The following SDK1 variants were observed in gnomAD, a reference collection of about 807,000 sequenced individuals.
SDK1 encodes the protein sidekick cell adhesion molecule 1, also known as protein sidekick-1.
In SDK1, 157 loss-of-function variants were observed where a neutral mutation model predicts 245.5. The ratio of observed to expected loss-of-function variants is 0.64; its 90% CI spans 0.56 to 0.73. The LOEUF is 0.73. Ranked by LOEUF, SDK1 falls within the 30% of genes least tolerant of loss-of-function variation. The pLI is 0.00. For synonymous variants in SDK1, 1,647 were observed against 1,278.5 expected, an observed-to-expected ratio of 1.29 and a Z score of -6.15; for missense variants, 3,583 against 3,002.3, an observed-to-expected ratio of 1.19 and a Z score of -4.52.
chr7:4,113,981 C>G (rs75057838), intron 24 of SDK1, 56 bp from the exon 25 acceptor site: 340 of 1,479,018 alleles, frequency 2.3e-4, no homozygotes, highest in Non-Finnish European at 3.0e-4. Context: ...CCTTACAACC[C>G]GTGAGGGTGG....
At chr7:3,427,887 G>A (rs547414548) in intron 1 of SDK1, among the ~76,000 whole-genome samples, 1 of 110,158 alleles carries the variant, frequency 9.1e-6, no homozygotes, top group African/African-American at 5.8e-5. Flanking sequence ...GATGTCGTTA[G>A]TGTCTCTTAG....
intron 2 of SDK1, among the ~76,000 whole-genome samples, chr7:3,630,180 A>G (rs1346785044): frequency 1.3e-5 from 2 of 152,250 alleles, no homozygotes; most frequent in African/African-American, 2.4e-5. Flanking sequence ...GAATCCCCCA[A>G]GGAGGCAGTC....
chr7:3,922,993 G>C (rs1437706207), intron 5 of SDK1, among the ~76,000 whole-genome samples: 1 of 152,158 alleles, frequency 6.6e-6, no homozygotes, highest in Non-Finnish European at 1.5e-5. Context: ...CTTGATTCCA[G>C]CCAGGTTCAC....
intron 1 of SDK1, among the ~76,000 whole-genome samples, chr7:3,433,673 A>G (rs1183718935): frequency 1.3e-5 from 2 of 152,224 alleles, no homozygotes; most frequent in African/African-American, 4.8e-5. Flanking sequence ...AACATCAAAT[A>G]CAAACATGTT....
At chr7:4,240,080 G>A (rs947196946) in intron 42 of SDK1, among the ~76,000 whole-genome samples, 1 of 152,102 alleles carries the variant, frequency 6.6e-6, no homozygotes, top group Non-Finnish European at 1.5e-5. Flanking sequence ...TCGTAAATCA[G>A]ATTTTATTCC....
At chr7:3,902,105 A>G (rs1303736707) in intron 5 of SDK1, among the ~76,000 whole-genome samples, 1 of 152,138 alleles carries the variant, frequency 6.6e-6, no homozygotes, top group Admixed American at 6.5e-5. Context: ...GTGCAATATG[A>G]TATTTACGAA....
At chr7:3,543,381 C>A (rs1316947474) in intron 1 of SDK1, among the ~76,000 whole-genome samples, 4 of 152,262 alleles carry the variant, frequency 2.6e-5, no homozygotes, top group Admixed American at 2.6e-4. Flanking sequence ...GATGGCTAGA[C>A]TCTGACCCCA....
intron 1 of SDK1, among the ~76,000 whole-genome samples, chr7:3,317,655 A>G (rs929988476): frequency 6.6e-6 from 1 of 152,028 alleles, no homozygotes; most frequent in Non-Finnish European, 1.5e-5. Flanking sequence ...CTCTTCTCCC[A>G]TGTTCACAGG....
intron 1 of SDK1, among the ~76,000 whole-genome samples, chr7:3,597,363 G>C (rs1249748233): frequency 6.6e-6 from 1 of 150,908 alleles, no homozygotes; most frequent in Non-Finnish European, 1.5e-5. Context: ...CTCCCCTTTT[G>C]GTCAACTTCT....
Position 4,066,452 on chromosome 7 carries a change from G to C in SDK1, c.2912-1386G>C, listed in dbSNP as rs78282392. Among the ~76,000 whole-genome samples the C allele has an allele frequency of 5.8e-3, 876 of 152,248 alleles. 1 individual carries two copies. Among genetic ancestry groups the C allele is most frequent in the Non-Finnish European group, 8.3e-3 (566 of 68,012 alleles). On this transcript the variant is annotated intron_variant, in intron 19 of 44. Coordinates refer to ENST00000404826, the MANE Select transcript of SDK1 (RefSeq NM_152744.4). ...CCCTCATCCTTCCCTCCATTTGCTC[G>C]TAAGACGCCAGCCTCCCCAAAAGCG...
intron 1 of SDK1, among the ~76,000 whole-genome samples, chr7:3,415,367 T>C (rs1779332423): frequency 6.6e-6 from 1 of 152,112 alleles, no homozygotes. Context: ...GGTGTATGTG[T>C]GTAGAGAAGT....
At chr7:3,482,687 C>G (rs1159710262) in intron 1 of SDK1, among the ~76,000 whole-genome samples, 1 of 152,180 alleles carries the variant, frequency 6.6e-6, no homozygotes, top group Non-Finnish European at 1.5e-5. Flanking sequence ...TCAACGTGGT[C>G]TTCAAGTAGT....
chr7:3,436,022 A>G (rs1780011430), intron 1 of SDK1, among the ~76,000 whole-genome samples: 1 of 152,240 alleles, frequency 6.6e-6, no homozygotes, highest in Admixed American at 6.5e-5. Context: ...AATGAGCTTA[A>G]TATCATGTGA....
At chr7:3,732,025 C>T (rs1298894463) in intron 4 of SDK1, among the ~76,000 whole-genome samples, 4 of 152,002 alleles carry the variant, frequency 2.6e-5, no homozygotes, top group Non-Finnish European at 4.4e-5. Context: ...CTCCTGACCT[C>T]GTGATCCACC....
intron 22 of SDK1, among the ~76,000 whole-genome samples, chr7:4,109,471 C>T (rs1783186817): frequency 6.6e-6 from 1 of 152,220 alleles, no homozygotes; most frequent in South Asian, 2.1e-4. Context: ...TCATTTAAGC[C>T]ACTTACGAAG....
Position 3,956,094 on chromosome 7 carries a change from G to A in SDK1, c.1151-2837G>A, listed in dbSNP as rs145146056. 2.8e-3 allele frequency among the ~76,000 whole-genome samples: 422 copies of A among 152,240 alleles called. 1 individual carries two copies. The highest frequency in any genetic ancestry group is 4.1e-3 in the Non-Finnish European group (276 of 68,016). ...GGAGAAGTGTTTGTTTCCATCCCCT[G>A]TTTTGTTGGCTGCAGTCAGGATCAA... is the stretch of plus-strand genomic sequence containing the variant. On this transcript the variant is annotated intron_variant, in intron 7 of 44. Coordinates refer to ENST00000404826, the MANE Select transcript of SDK1 (RefSeq NM_152744.4).
At chr7:3,557,883 T>G (rs1407529885) in intron 1 of SDK1, among the ~76,000 whole-genome samples, 2 of 152,216 alleles carry the variant, frequency 1.3e-5, no homozygotes, top group African/African-American at 4.8e-5. Context: ...ATTGCATTCC[T>G]AGTAGTTTTA....
At position 3,630,372 on chromosome 7, in the gene SDK1, C is replaced by T. The variant is rs188270108; in HGVS notation, c.459-8632C>T. ...GTAGAAAATATATACTTTTAAAAAG[C>T]TGCTGATAAGTGAGTTTAGCAACAT... On this transcript the variant is annotated intron_variant, in intron 2 of 44. Transcript: ENST00000404826. 4.6e-5 allele frequency among the ~76,000 whole-genome samples: 7 copies of T among 152,274 alleles called. No homozygotes were observed. In the East Asian group the frequency reaches 1.3e-3, roughly 29 times the overall value.
chr7:3,444,214 T>A (rs1378590787), intron 1 of SDK1, among the ~76,000 whole-genome samples: 2 of 152,218 alleles, frequency 1.3e-5, no homozygotes. Context: ...CTGTTGGCCT[T>A]CTTCTTTGGG....
Sources: allele counts gnomAD v4.1 joint callset (sites outside exome capture counted in the v4.1 genomes callset), GRCh38; gene constraint gnomAD v4.1.1; transcripts MANE v1.5; gene names NCBI Gene and HGNC (gene_info 2026-07-23, HGNC 2026-07-21).